Variants in MTMR14 observed in about 807,000 individuals in gnomAD.
MTMR14 encodes the protein phosphatidylinositol-3,5-bisphosphate 3-phosphatase MTMR14.
A neutral mutation model predicts 86.3 loss-of-function variants in MTMR14; 48 were observed. The ratio of observed to expected loss-of-function variants is 0.56; its 90% confidence interval spans 0.44 to 0.71. The LOEUF is 0.71. MTMR14 is among the 30% of genes least tolerant of loss of function. MTMR14 has a pLI of 0.00. For missense variants in MTMR14, 780 were observed against 834.6 expected, an observed-to-expected ratio of 0.93 and a Z score of 0.81; for synonymous variants, 366 against 326.1, an observed-to-expected ratio of 1.12 and a Z score of -1.32.
At chr3:9,680,555 G>T (rs561658858) in intron 9 of MTMR14, among the ~76,000 whole-genome samples, 1 of 152,176 alleles carries the variant, frequency 6.6e-6, no homozygotes, top group Non-Finnish European at 1.5e-5. Flanking sequence ...TGATCTTCCT[G>T]CAGCCCATGG....
rs780562010 is a variant in MTMR14, at chr3:9,668,779, A to T, written c.478A>T (p.Asn160Tyr). Residue 160 changes from asparagine (N) to tyrosine (Y), a missense_variant, in exon 4 of 19, where the codon AAC becomes TAC. Asn to Tyr is a moderately radical substitution (Grantham distance 143, BLOSUM62 -2). Coordinates refer to ENST00000296003, the MANE Select transcript of MTMR14 (RefSeq NM_001077525.3). ...WGELYGRSGY[N>Y]YFFSGGADDA... is the part of the protein sequence containing the mutation. ...AGAGCTGTATGGACGCTCAGGCTACAACTATTTTTTCTCAGGTGAATGTTG... is the reference window on the plus strand; with the variant it reads ...AGAGCTGTATGGACGCTCAGGCTACTACTATTTTTTCTCAGGTGAATGTTG... 1 of 1,614,156 alleles carries T rather than the reference A, an allele frequency of 6.2e-7. No individual in the cohort carries two copies. Among genetic ancestry groups the T allele is most frequent in the Non-Finnish European group, 8.5e-7 (1 of 1,180,010 alleles).
At chr3:9,684,726 T>C (rs371846843) in intron 11 of MTMR14, 56 bp downstream of exon 11, 1 of 1,600,804 alleles carries the variant, frequency 6.2e-7, no homozygotes, top group Non-Finnish European at 8.6e-7. Flanking sequence ...TAGGATTGTC[T>C]CCAGACAGAG....
rs1036240203 is a variant in MTMR14 at position 9,657,160 on chromosome 3, C to T, written c.308+3391C>T. Among the ~76,000 whole-genome samples the T allele has an allele frequency of 4.6e-5, 7 of 151,796 alleles. No individual in the cohort carries two copies. The South Asian group carries it at 6.2e-4, about 14-fold the overall frequency. The stretch of plus-strand genomic sequence containing the variant: ...CTGAGCTCAACAGATTTCCTCACCT[C>T]GGCCTTTCAAAGTGTTGGGATTAGA... On this transcript the variant is annotated intron_variant, in intron 2 of 18. Transcript: ENST00000296003.
intron 10 of MTMR14, among the ~76,000 whole-genome samples, chr3:9,684,035 A>C (rs1416666156): frequency 6.6e-6 from 1 of 152,152 alleles, no homozygotes; most frequent in Non-Finnish European, 1.5e-5. Context: ...ACAAAGTCGC[A>C]TGCCAGCCCC....
chr3:9,695,695 C>T (rs943573378), intron 17 of MTMR14, among the ~76,000 whole-genome samples: 1 of 152,234 alleles, frequency 6.6e-6, no homozygotes, highest in Non-Finnish European at 1.5e-5. Flanking sequence ...GCTCCCAGCC[C>T]CAGCTGTGCC....
At chr3:9,662,229 A>G (rs374781714) in intron 2 of MTMR14, 38 bp from the exon 3 acceptor site, 2 of 1,569,412 alleles carry the variant, frequency 1.3e-6, no homozygotes, top group Non-Finnish European at 1.8e-6. Context: ...TGCCCACTTC[A>G]AAGTCAGCTT....
intron 17 of MTMR14, 142 bp downstream of exon 17, chr3:9,690,285 A>G: frequency 1.1e-6 from 1 of 928,746 alleles, no homozygotes; most frequent in Non-Finnish European, 1.7e-6. Flanking sequence ...AGGATGGGTT[A>G]GTGTTTGGTA....
chr3:9,697,959 C>A, intron 18 of MTMR14, 93 bp downstream of exon 18: 2 of 1,568,542 alleles, frequency 1.3e-6, no homozygotes, highest in South Asian at 2.2e-5. Flanking sequence ...GAGGCTGGCG[C>A]TCAGGAGCTG....
At chr3:9,673,436 G>GT (rs1181827760) in intron 7 of MTMR14, among the ~76,000 whole-genome samples, 1 of 152,216 alleles carries the variant, frequency 6.6e-6, no homozygotes, top group African/African-American at 2.4e-5. Context: ...TAGCATTCAA[G>GT]TTTTCTGGCA....
rs377741173 is a variant in MTMR14 at position 9,697,697 on chromosome 3, C to T, written c.1614-14C>T. On this transcript the variant is annotated splice_polypyrimidine_tract_variant and intron_variant, in intron 17 of 18. Transcript: ENST00000296003. ...TGACTGCATCCTCTCCCCTCTCTCT[C>T]CTCTCTGCCCCAGATCAGTGGACCA... 15 of 1,612,858 alleles carry T rather than the reference C, an allele frequency of 9.3e-6. No homozygotes were observed. The highest frequency in any genetic ancestry group is 3.3e-5 in the Admixed American group (2 of 59,976).
intron 9 of MTMR14, among the ~76,000 whole-genome samples, 171 bp downstream of exon 9, chr3:9,678,229 A>G (rs547345550): frequency 6.6e-6 from 1 of 152,310 alleles, no homozygotes; most frequent in South Asian, 2.1e-4. Flanking sequence ...TGTCCGTTCA[A>G]CTATCTCCTG....
At chr3:9,694,124 T>C (rs2076215363) in intron 17 of MTMR14, among the ~76,000 whole-genome samples, 1 of 152,194 alleles carries the variant, frequency 6.6e-6, no homozygotes, top group Non-Finnish European at 1.5e-5. Flanking sequence ...CGTTGGAGGT[T>C]ACGTGGTGGT....
chr3:9,687,889 G>T lies in MTMR14; in HGVS notation c.1233G>T (p.Gln411His). 1 of 1,585,870 alleles carries T rather than the reference G, an allele frequency of 6.3e-7. No individual in the cohort carries two copies. The highest frequency in any genetic ancestry group is 8.6e-7 in the Non-Finnish European group (1 of 1,163,828). ...AGGAGTTCTCTGCTCTGAAGACCCA[G>T]AGGTAAGTGGAGGCCTGCACGTGTC... is the stretch of plus-strand genomic sequence containing the variant. ...TSEEFSALKT[Q>H]RRKSLPARDG... Residue 411 changes from glutamine to histidine, a missense_variant and splice_region_variant, in exon 14 of 19, where the codon CAG (glutamine) becomes CAT (histidine). By Grantham distance (24) the Gln-to-His change is conservative. Transcript: ENST00000296003.
intron 3 of MTMR14, among the ~76,000 whole-genome samples, chr3:9,668,182 C>T (rs756552207): frequency 6.6e-6 from 1 of 152,182 alleles, no homozygotes; most frequent in Non-Finnish European, 1.5e-5. Context: ...CTCACTCACC[C>T]CTTGCCCCCG....
In MTMR14 at chr3:9,702,379, CTT is replaced by C; in HGVS notation, c.*410_*411del. The C allele has an allele frequency of 1.0e-5, 3 of 292,008 alleles. No individual in the cohort carries two copies. The highest frequency in any genetic ancestry group is 8.8e-5 in the Admixed American group (2 of 22,770). 18.1% of individuals were successfully genotyped at this position (292,008 alleles called of 1,614,324 possible). ...ACAGATCACAAAATAAAATCAAAGT[CTT>C]TTTGAATAGCCACTCTTGTGTCATC... On this transcript the variant is annotated 3_prime_UTR_variant, in exon 19 of 19. Coordinates refer to ENST00000296003, the MANE Select transcript of MTMR14 (RefSeq NM_001077525.3).
intron 18 of MTMR14, chr3:9,699,653 G>T (rs577477164): frequency 1.3e-5 from 2 of 152,212 alleles, no homozygotes; most frequent in Non-Finnish European, 2.9e-5. Flanking sequence ...CCCTTGCCTG[G>T]TGTGTGTCCT....
intron 17 of MTMR14, among the ~76,000 whole-genome samples, chr3:9,691,654 A>G (rs540421840): frequency 4.6e-5 from 7 of 152,318 alleles, no homozygotes; most frequent in African/African-American, 1.7e-4. Context: ...GCCTGCCAAA[A>G]GATCCCACTT....
intron 1 of MTMR14, chr3:9,650,659 T>C (rs1490750967): frequency 9.5e-6 from 2 of 209,614 alleles, no homozygotes; most frequent in Non-Finnish European, 2.0e-5. Flanking sequence ...GGGGACCACC[T>C]GTTTAATGAT....
At chr3:9,697,278 C>T (rs1377478359) in intron 17 of MTMR14, among the ~76,000 whole-genome samples, 1 of 152,096 alleles carries the variant, frequency 6.6e-6, no homozygotes, top group Non-Finnish European at 1.5e-5. Context: ...TTCTGTGTTG[C>T]CCACCCTGCA....
Sources: allele counts gnomAD v4.1 joint callset (sites outside exome capture counted in the v4.1 genomes callset), GRCh38; gene constraint gnomAD v4.1.1; transcripts MANE v1.5; gene names NCBI Gene and HGNC (gene_info 2026-07-23, HGNC 2026-07-21).